BMPER: variants seen among roughly 807,000 people sequenced by gnomAD.
BMPER encodes the protein BMP binding endothelial regulator.
In BMPER, 45 loss-of-function variants were observed where a neutral mutation model predicts 87.3. The ratio of observed to expected loss-of-function variants is 0.52; its 90% CI spans 0.41 to 0.66. BMPER has a LOEUF of 0.66. Ranked by LOEUF, BMPER falls within the 30% of genes least tolerant of loss-of-function variation. The pLI, the probability that BMPER is intolerant of heterozygous loss-of-function variation, is 0.00. For synonymous variants in BMPER, 326 were observed against 316.2 expected, an observed-to-expected ratio of 1.03 and a Z score of -0.33; for missense variants, 784 against 867.5, an observed-to-expected ratio of 0.90 and a Z score of 1.21.
At chr7:34,110,983 G>T (rs527708069) in intron 13 of BMPER, among the ~76,000 whole-genome samples, 1 of 152,320 alleles carries the variant, frequency 6.6e-6, no homozygotes, top group African/African-American at 2.4e-5. Context: ...AAGAGAAAAA[G>T]TCCTTCTGGT....
At chr7:33,960,218 A>G (rs1418118623) in intron 3 of BMPER, among the ~76,000 whole-genome samples, 1 of 152,232 alleles carries the variant, frequency 6.6e-6, no homozygotes, top group African/African-American at 2.4e-5. Flanking sequence ...CCATTAGCCA[A>G]AAATAAGCAC....
At chr7:33,944,447 A>G (rs1436778370) in intron 3 of BMPER, among the ~76,000 whole-genome samples, 1 of 152,160 alleles carries the variant, frequency 6.6e-6, no homozygotes, top group Non-Finnish European at 1.5e-5. Context: ...GATTACAGGC[A>G]TGAGCCACAG....
rs563403026 is a variant in BMPER at position 34,044,872 on chromosome 7, C to A, written c.577-1434C>A. ...AAATAAACTGTTATAATAAAAATGG[C>A]GAGAACAGGAAGGGAAAACAGAAAC... On this transcript the variant is annotated intron_variant, in intron 6 of 14. Coordinates refer to ENST00000649409, the MANE Select transcript of BMPER (RefSeq NM_001365308.1). 5.9e-5 allele frequency among the ~76,000 whole-genome samples: 9 copies of A among 152,118 alleles called. No homozygotes were observed. The East Asian group carries it at 1.7e-3, about 29-fold the overall frequency.
At chr7:34,046,065 G>A (rs1419047310) in intron 6 of BMPER, among the ~76,000 whole-genome samples, 1 of 152,044 alleles carries the variant, frequency 6.6e-6, no homozygotes, top group Non-Finnish European at 1.5e-5. Flanking sequence ...AAGAAAAGTG[G>A]TGATGGGTGA....
At chr7:33,923,296 C>T (rs916599167) in intron 2 of BMPER, among the ~76,000 whole-genome samples, 2 of 152,096 alleles carry the variant, frequency 1.3e-5, no homozygotes, top group Non-Finnish European at 2.9e-5. Context: ...TCTATTACTC[C>T]CAAGTGTTTA....
intron 2 of BMPER, among the ~76,000 whole-genome samples, chr7:33,924,815 G>A (rs115328893): frequency 0.019 from 2,827 of 152,148 alleles, 89 homozygotes; most frequent in African/African-American, 0.065. Flanking sequence ...TTACAGGCAC[G>A]CGCCACCAGC....
intron 13 of BMPER, among the ~76,000 whole-genome samples, chr7:34,113,652 A>G (rs56274923): frequency 1.3e-5 from 2 of 152,008 alleles, no homozygotes; most frequent in Non-Finnish European, 1.5e-5. Context: ...ATTAACATAG[A>G]TTAAGTTCTT....
intron 13 of BMPER, among the ~76,000 whole-genome samples, chr7:34,127,461 A>G (rs1451446379): frequency 2.6e-5 from 4 of 152,160 alleles, no homozygotes; most frequent in Non-Finnish European, 4.4e-5. Context: ...TTTACACCAC[A>G]TAAGTCAGCA....
intron 6 of BMPER, among the ~76,000 whole-genome samples, chr7:34,004,216 A>G (rs1232336700): frequency 6.6e-6 from 1 of 151,970 alleles, no homozygotes; most frequent in African/African-American, 2.4e-5. Context: ...CAGTTATTGT[A>G]TTTCTCAATT....
chr7:34,028,529 A>G (rs1386051345), intron 6 of BMPER, among the ~76,000 whole-genome samples: 1 of 145,698 alleles, frequency 6.9e-6, no homozygotes, highest in Non-Finnish European at 1.5e-5. Context: ...AGTCTAAGCT[A>G]TACTTTTCAT....
intron 13 of BMPER, among the ~76,000 whole-genome samples, chr7:34,120,703 G>C (rs910230553): frequency 1.3e-5 from 2 of 152,098 alleles, no homozygotes; most frequent in African/African-American, 4.8e-5. Context: ...CGGCCATTTG[G>C]AATAGTTTTA....
intron 13 of BMPER, among the ~76,000 whole-genome samples, chr7:34,102,079 C>T (rs1210629661): frequency 1.3e-5 from 2 of 152,110 alleles, no homozygotes; most frequent in Non-Finnish European, 1.5e-5. Flanking sequence ...AAAGCCAGGG[C>T]GAATTTCACT....
chr7:34,079,737 T>C (rs1168005293), intron 12 of BMPER, among the ~76,000 whole-genome samples: 1 of 152,206 alleles, frequency 6.6e-6, no homozygotes, highest in East Asian at 1.9e-4. Flanking sequence ...CTTGGCAGAC[T>C]CTGGTATGCA....
chr7:33,905,438 T>TCCCCCCCCCCCCCCCCCCCCCCCCCCCCC, upstream of BMPER: 5 of 23,004 alleles, frequency 2.2e-4, no homozygotes, highest in Non-Finnish European at 3.3e-4. Context: ...CCTTGGTCTC[T>TCCCCCCCCCCCCCCCCCCCCCCCCCCCCC]CCCCCCGCCC....
chr7:33,911,481 G>A (rs1158266485), intron 2 of BMPER, among the ~76,000 whole-genome samples: 2 of 152,216 alleles, frequency 1.3e-5, no homozygotes, highest in East Asian at 3.9e-4. Flanking sequence ...CCTGCACAGA[G>A]CTAATGTAGG....
At chr7:33,961,642 G>A (rs1300580869) in intron 3 of BMPER, among the ~76,000 whole-genome samples, 1 of 152,150 alleles carries the variant, frequency 6.6e-6, no homozygotes, top group Non-Finnish European at 1.5e-5. Context: ...AGGAAAGCCC[G>A]GTCAGCCCTC....
chr7:34,121,679 T>G (rs1469370309), intron 13 of BMPER, among the ~76,000 whole-genome samples: 6 of 152,246 alleles, frequency 3.9e-5, no homozygotes, highest in Non-Finnish European at 8.8e-5. Flanking sequence ...TGAGTTACCA[T>G]TAATTACTAG....
chr7:34,147,571 A>C (rs1344488591), intron 14 of BMPER, among the ~76,000 whole-genome samples: 1 of 152,084 alleles, frequency 6.6e-6, no homozygotes, highest in Non-Finnish European at 1.5e-5. Flanking sequence ...CCTAGGTTCA[A>C]GTGATTCTCC....
intron 5 of BMPER, among the ~76,000 whole-genome samples, chr7:33,972,549 G>T (rs1454677518): frequency 6.6e-6 from 1 of 152,116 alleles, no homozygotes; most frequent in Non-Finnish European, 1.5e-5. Context: ...TACACAAGAA[G>T]AAACTAGGCC....
Sources: allele counts gnomAD v4.1 joint callset (sites outside exome capture counted in the v4.1 genomes callset), GRCh38; gene constraint gnomAD v4.1.1; transcripts MANE v1.5; gene names NCBI Gene and HGNC (gene_info 2026-07-23, HGNC 2026-07-21).